NR6A1: variants seen among roughly 807,000 people sequenced by gnomAD.
NR6A1 encodes retinoic acid receptor-related testis-associated receptor.
NR6A1 carries 7 observed loss-of-function variants against 59.1 expected under a neutral mutation model. That is an observed-to-expected ratio of 0.12 (90% confidence interval 0.07 to 0.22). The LOEUF is 0.22. Ranked by LOEUF, NR6A1 falls within the 10% of genes least tolerant of loss-of-function variation. NR6A1 has a pLI of 1.00. For synonymous variants in NR6A1, 243 were observed against 236.1 expected (o/e 1.03, Z -0.27); for missense variants, 468 against 611.6 (o/e 0.77, Z 2.48).
intron 2 of NR6A1, among the ~76,000 whole-genome samples, chr9:124,687,773 G>A (rs770996864): frequency 1.3e-5 from 2 of 152,102 alleles, no homozygotes; most frequent in African/African-American, 4.8e-5. Context: ...GGAAAGTGGG[G>A]GCAGATGGGA....
chr9:124,702,565 T>C (rs544832970), intron 2 of NR6A1, among the ~76,000 whole-genome samples: 36 of 152,122 alleles, frequency 2.4e-4, no homozygotes, highest in Non-Finnish European at 4.7e-4. Context: ...TGGGAGGTAG[T>C]TGGGTCATGA....
chr9:124,556,482 A>T (rs1833931335), intron 2 of NR6A1, among the ~76,000 whole-genome samples: 1 of 150,072 alleles, frequency 6.7e-6, no homozygotes, highest in Non-Finnish European at 1.5e-5. Context: ...TTTTTTTGAA[A>T]GGGAGTCTTG....
At chr9:124,542,592 C>A (rs1251402042) in intron 4 of NR6A1, among the ~76,000 whole-genome samples, 1 of 152,194 alleles carries the variant, frequency 6.6e-6, no homozygotes, top group East Asian at 1.9e-4. Context: ...GTTTTACTCA[C>A]CCTCACCTCA....
At chr9:124,555,966 G>GT (rs1165776926) in intron 2 of NR6A1, among the ~76,000 whole-genome samples, 1 of 152,226 alleles carries the variant, frequency 6.6e-6, no homozygotes, top group Non-Finnish European at 1.5e-5. Flanking sequence ...GGTCATGGTA[G>GT]TATATACAGG....
chr9:124,660,456 C>T (rs1466105713), intron 2 of NR6A1, among the ~76,000 whole-genome samples: 1 of 152,084 alleles, frequency 6.6e-6, no homozygotes. Context: ...TCATATATCT[C>T]GCTACCTGGA....
chr9:124,623,807 A>G (rs889593312), intron 2 of NR6A1, among the ~76,000 whole-genome samples: 1 of 152,208 alleles, frequency 6.6e-6, no homozygotes. Context: ...ATCTCTGCTT[A>G]GACCAGAAAG....
At chr9:124,567,301 T>C (rs893251453) in intron 2 of NR6A1, among the ~76,000 whole-genome samples, 4 of 151,598 alleles carry the variant, frequency 2.6e-5, no homozygotes, top group South Asian at 4.2e-4. Context: ...TCAGAGAATG[T>C]GGAGAAGCAG....
In NR6A1 at chr9:124,606,603, T is replaced by G. The variant is rs1835581371; in HGVS notation, c.143-52033A>C. ...ACAACATGCATTAATTTTGTAAACT[T>G]GGGCAAGGCACTTCAATTCTCCTAA... On this transcript the variant is annotated intron_variant, in intron 2 of 9. Coordinates refer to ENST00000487099, the MANE Select transcript of NR6A1 (RefSeq NM_033334.4). Among the ~76,000 whole-genome samples the G allele has an allele frequency of 2.6e-5, 4 of 152,346 alleles. No homozygotes were observed. The South Asian group carries it at 8.3e-4, about 32-fold the overall frequency.
At chr9:124,561,701 C>G (rs1834088688) in intron 2 of NR6A1, among the ~76,000 whole-genome samples, 1 of 152,114 alleles carries the variant, frequency 6.6e-6, no homozygotes, top group South Asian at 2.1e-4. Flanking sequence ...TACTTGAGGT[C>G]AGGATTTCCA....
At chr9:124,578,660 T>TA (rs778628847) in intron 2 of NR6A1, among the ~76,000 whole-genome samples, 1 of 152,224 alleles carries the variant, frequency 6.6e-6, no homozygotes, top group Non-Finnish European at 1.5e-5. Context: ...TTCCTTCTCT[T>TA]AGACTCCCTA....
intron 2 of NR6A1, among the ~76,000 whole-genome samples, chr9:124,574,387 T>A (rs889812920): frequency 2.0e-5 from 3 of 152,214 alleles, no homozygotes; most frequent in Non-Finnish European, 4.4e-5. Flanking sequence ...GTCTTAACTA[T>A]AATATTACTG....
At chr9:124,673,244 C>G (rs1290642359) in intron 2 of NR6A1, among the ~76,000 whole-genome samples, 7 of 150,606 alleles carry the variant, frequency 4.6e-5, no homozygotes, top group Non-Finnish European at 1.0e-4. Context: ...ATCACTTGAG[C>G]CCAGGAAGTT....
chr9:124,555,471 C>T (rs1448873552), intron 2 of NR6A1, among the ~76,000 whole-genome samples: 1 of 152,178 alleles, frequency 6.6e-6, no homozygotes, highest in African/African-American at 2.4e-5. Context: ...CGTTATAGAG[C>T]CAGGCGTGAT....
In NR6A1 at chr9:124,554,589, G is replaced by C. The variant is rs1314331307; in HGVS notation, c.143-19C>G. On this transcript the variant is annotated intron_variant, in intron 2 of 9. Transcript: ENST00000487099. ...ACAGAAACTGATCATGTTCAAGTTA[G>C]AACACAGTGGAAATAATGGCTTTAA... 1 of 1,613,776 alleles carries C rather than the reference G, an allele frequency of 6.2e-7. No homozygotes were observed. The highest frequency in any genetic ancestry group is 1.1e-5 in the South Asian group (1 of 91,064).
chr9:124,716,662 C>T (rs530034553), intron 2 of NR6A1, among the ~76,000 whole-genome samples: 3 of 152,246 alleles, frequency 2.0e-5, no homozygotes, highest in Admixed American at 6.5e-5. Flanking sequence ...GACCAAGTCC[C>T]GTTCTGTCAT....
At chr9:124,667,422 C>G (rs1254369574) in intron 2 of NR6A1, among the ~76,000 whole-genome samples, 1 of 152,048 alleles carries the variant, frequency 6.6e-6, no homozygotes, top group Non-Finnish European at 1.5e-5. Flanking sequence ...ATAAGTATAT[C>G]TAAAATACGT....
chr9:124,662,220 G>A (rs947296151), intron 2 of NR6A1, among the ~76,000 whole-genome samples: 2 of 152,078 alleles, frequency 1.3e-5, no homozygotes, highest in African/African-American at 4.8e-5. Flanking sequence ...GCTCCAGAAT[G>A]GTACTAATTT....
chr9:124,541,553 G>A (rs1833447528), intron 4 of NR6A1, among the ~76,000 whole-genome samples: 1 of 152,168 alleles, frequency 6.6e-6, no homozygotes. Context: ...AGGATGTGAA[G>A]AAATGGAAAC....
At chr9:124,595,730 G>T (rs1384746310) in intron 2 of NR6A1, 1 of 1,218,780 alleles carries the variant, frequency 8.2e-7, no homozygotes, top group Non-Finnish European at 1.1e-6. Flanking sequence ...TTAGATTTGG[G>T]CCCCAGACTG....
Sources: gnomAD v4.1 joint callset for allele counts (sites outside exome capture counted in the v4.1 genomes callset) on GRCh38, gnomAD v4.1.1 for gene constraint, MANE v1.5 for transcripts, NCBI Gene and HGNC (gene_info 2026-07-23, HGNC 2026-07-21) for gene names.